Variants in ERC2 observed in about 807,000 individuals in gnomAD.
The protein encoded by ERC2 is ELKS/RAB6-interacting/CAST family member 2, also known as ERC protein 2.
ERC2 carries 42 observed loss-of-function variants against 114.8 expected under a neutral mutation model. That is an observed-to-expected ratio of 0.37 (90% CI 0.29 to 0.47). ERC2 has a LOEUF of 0.47. Ranked by LOEUF, ERC2 falls within the 20% of genes least tolerant of loss-of-function variation. The pLI is 0.99. For synonymous variants in ERC2, 454 were observed against 425.5 expected (o/e 1.07, Z -0.82); for missense variants, 939 against 1,150.7 (o/e 0.82, Z 2.66).
chr3:55,699,247 C>A, intron 16 of ERC2, 131 bp downstream of exon 16: 15 of 1,145,152 alleles, frequency 1.3e-5, no homozygotes, highest in South Asian at 5.8e-5. Context: ...AAATAAATAC[C>A]AAAGCTATTA....
intron 3 of ERC2, among the ~76,000 whole-genome samples, chr3:56,233,620 C>CAA (rs79004022): frequency 8.9e-5 from 10 of 111,776 alleles, no homozygotes; most frequent in Admixed American, 4.3e-4. Context: ...TCTCAACAAC[C>CAA]AAAAAAAAAA....
intron 1 of ERC2, among the ~76,000 whole-genome samples, chr3:56,443,791 A>C (rs920917203): frequency 6.6e-6 from 1 of 151,946 alleles, no homozygotes; most frequent in African/African-American, 2.4e-5. Flanking sequence ...CATGTCTTCC[A>C]TTGCCCATTA....
intron 2 of ERC2, among the ~76,000 whole-genome samples, chr3:56,351,538 A>G (rs1560648869): frequency 6.6e-6 from 1 of 152,230 alleles, no homozygotes. Flanking sequence ...AGAAAGAAAG[A>G]AAACTAACAA....
chr3:55,713,590 C>G (rs1333578615), intron 15 of ERC2, among the ~76,000 whole-genome samples: 1 of 152,174 alleles, frequency 6.6e-6, no homozygotes, highest in Non-Finnish European at 1.5e-5. Context: ...AGATGTTTCT[C>G]AAGTCTGATT....
intron 3 of ERC2, among the ~76,000 whole-genome samples, chr3:56,193,251 C>T (rs139144896): frequency 3.3e-5 from 5 of 152,234 alleles, no homozygotes; most frequent in East Asian, 1.9e-4. Flanking sequence ...TGCTGGCTCA[C>T]GTCTGTACTC....
intron 15 of ERC2, among the ~76,000 whole-genome samples, chr3:55,707,001 A>T (rs1050528853): frequency 9.9e-5 from 15 of 152,230 alleles, no homozygotes; most frequent in Admixed American, 7.9e-4. Flanking sequence ...TGGGCAAGAG[A>T]GGGAAGAATG....
intron 2 of ERC2, among the ~76,000 whole-genome samples, chr3:56,392,246 C>A (rs2060154693): frequency 6.6e-6 from 1 of 152,300 alleles, no homozygotes; most frequent in African/African-American, 2.4e-5. Flanking sequence ...AATGCCACCA[C>A]AACAGTTTCA....
At position 55,722,448 on chromosome 3, in the gene ERC2, C is replaced by T. The variant is rs116060352; in HGVS notation, c.2712+12323G>A. Among the ~76,000 whole-genome samples, 463 of 152,208 alleles carry T rather than the reference C, an allele frequency of 3.0e-3. 1 individual carries two copies. Among genetic ancestry groups the T allele is most frequent in the African/African-American group, 0.011 (444 of 41,536 alleles). Reference sequence around the variant, plus strand: ...TGGCTGGAAAACTCTAGTGCTTTCCCGGGCAGGGTATCTGTGGAACACCCT... The same window carrying T: ...TGGCTGGAAAACTCTAGTGCTTTCCTGGGCAGGGTATCTGTGGAACACCCT... On this transcript the variant is annotated intron_variant, in intron 15 of 17. Coordinates refer to ENST00000288221, the MANE Select transcript of ERC2 (RefSeq NM_015576.3).
intron 2 of ERC2, among the ~76,000 whole-genome samples, chr3:56,379,312 T>C (rs2059662041): frequency 6.6e-6 from 1 of 152,168 alleles, no homozygotes; most frequent in Admixed American, 6.5e-5. Context: ...AGCTCATCTC[T>C]CATGAATTTA....
At chr3:56,175,564 G>A (rs566615991) in intron 3 of ERC2, among the ~76,000 whole-genome samples, 10 of 152,090 alleles carry the variant, frequency 6.6e-5, no homozygotes, top group South Asian at 2.1e-4. Context: ...TGTCCCTAGC[G>A]CTGCTTGTCT....
At chr3:56,016,034 A>G (rs1178838439) in intron 8 of ERC2, among the ~76,000 whole-genome samples, 1 of 151,924 alleles carries the variant, frequency 6.6e-6, no homozygotes, top group Admixed American at 6.6e-5. Context: ...ATGTCTTTTG[A>G]CCACTTGTTA....
chr3:55,752,239 C>G (rs887703655), intron 14 of ERC2, among the ~76,000 whole-genome samples: 1 of 152,164 alleles, frequency 6.6e-6, no homozygotes, highest in African/African-American at 2.4e-5. Flanking sequence ...CAGCTATGAG[C>G]TGAGGGTCAT....
intron 14 of ERC2, among the ~76,000 whole-genome samples, chr3:55,866,537 T>C (rs2062324202): frequency 1.3e-5 from 2 of 151,656 alleles, no homozygotes; most frequent in South Asian, 4.1e-4. Flanking sequence ...AGCAGCTTTA[T>C]ATAACCCAAG....
intron 8 of ERC2, 79 bp downstream of exon 8, chr3:56,018,815 A>G (rs2073498024): frequency 6.7e-7 from 1 of 1,498,262 alleles, no homozygotes; most frequent in Non-Finnish European, 9.1e-7. Flanking sequence ...AAGCAGGCAC[A>G]TTTAAATGCA....
At chr3:55,534,685 G>A (rs989413086) in intron 17 of ERC2, among the ~76,000 whole-genome samples, 3 of 152,128 alleles carry the variant, frequency 2.0e-5, no homozygotes, top group East Asian at 3.9e-4. Context: ...AACAGACCTC[G>A]TGTCAAAAAA....
At chr3:55,686,637 G>A (rs749414262) in intron 16 of ERC2, among the ~76,000 whole-genome samples, 7 of 152,218 alleles carry the variant, frequency 4.6e-5, no homozygotes, top group Non-Finnish European at 1.0e-4. Context: ...CCAAAAATAA[G>A]AAACAGACAA....
rs368909285 is a variant in ERC2 at position 56,249,426 on chromosome 3, C to T, written c.1074+46593G>A. On this transcript the variant is annotated intron_variant, in intron 3 of 17. Transcript: ENST00000288221. Reference sequence around the variant, plus strand: ...CTGCAAGCTCCGCCTCCCGGGTTCACGCCATTCTCCTGCCTCAGCCTCCCG... The same window carrying T: ...CTGCAAGCTCCGCCTCCCGGGTTCATGCCATTCTCCTGCCTCAGCCTCCCG... Among the ~76,000 whole-genome samples, 57 of 151,562 alleles carry T rather than the reference C, an allele frequency of 3.8e-4. 1 individual carries two copies. In the East Asian group the frequency reaches 9.0e-3, roughly 24 times the overall value.
At chr3:56,379,671 C>T (rs2059675602) in intron 2 of ERC2, among the ~76,000 whole-genome samples, 6 of 152,040 alleles carry the variant, frequency 3.9e-5, no homozygotes, top group Admixed American at 3.3e-4. Context: ...ATGAAATGCA[C>T]GGTTAAGAAA....
intron 1 of ERC2, among the ~76,000 whole-genome samples, chr3:56,462,480 A>T (rs1438895686): frequency 6.6e-6 from 1 of 152,120 alleles, no homozygotes; most frequent in Non-Finnish European, 1.5e-5. Context: ...CAATGGCTTT[A>T]TACTCACTAG....
Sources: allele counts gnomAD v4.1 joint callset (sites outside exome capture counted in the v4.1 genomes callset), GRCh38; gene constraint gnomAD v4.1.1; transcripts MANE v1.5; gene names NCBI Gene and HGNC (gene_info 2026-07-23, HGNC 2026-07-21).